The following PTPRD variants were observed in gnomAD, a reference collection of about 807,000 sequenced individuals.
PTPRD encodes receptor-type tyrosine-protein phosphatase delta.
In PTPRD, 34 loss-of-function variants were observed where a neutral mutation model predicts 214.5. The observed-to-expected ratio is 0.16, with a 90% confidence interval of 0.12 to 0.21. PTPRD has a LOEUF of 0.21. PTPRD is among the 10% of genes least tolerant of loss of function. The probability of loss-of-function intolerance (pLI) is 1.00; values close to 1 mark genes in which losing one functional copy is unlikely to be tolerated. For synonymous variants in PTPRD, 1,128 were observed against 845.7 expected, an observed-to-expected ratio of 1.33 and a Z score of -5.79; for missense variants, 2,545 against 2,398.7, an observed-to-expected ratio of 1.06 and a Z score of -1.27.
chr9:9,856,378 T>C (rs1047017185), intron 5 of PTPRD, among the ~76,000 whole-genome samples: 1 of 152,116 alleles, frequency 6.6e-6, no homozygotes, highest in Non-Finnish European at 1.5e-5. Flanking sequence ...GTTTTTGGCT[T>C]GAGGGTAGGG....
intron 3 of PTPRD, among the ~76,000 whole-genome samples, chr9:10,251,503 C>T (rs1194387485): frequency 2.6e-5 from 4 of 151,820 alleles, no homozygotes; most frequent in Non-Finnish European, 5.9e-5. Context: ...CAACAAGTTG[C>T]TTAGCTCTGT....
At chr9:9,517,478 A>G (rs1412020520) in intron 8 of PTPRD, among the ~76,000 whole-genome samples, 1 of 152,076 alleles carries the variant, frequency 6.6e-6, no homozygotes, top group Admixed American at 6.6e-5. Flanking sequence ...CCTATAACAC[A>G]ACTGTTCACT....
intron 4 of PTPRD, among the ~76,000 whole-genome samples, chr9:9,972,047 A>G (rs2095131704): frequency 1.3e-5 from 2 of 152,164 alleles, no homozygotes; most frequent in African/African-American, 4.8e-5. Context: ...AATGAATTGC[A>G]CTTTTCCCAG....
intron 12 of PTPRD, among the ~76,000 whole-genome samples, chr9:8,697,483 T>G (rs1597290770): frequency 7.0e-6 from 1 of 143,766 alleles, no homozygotes; most frequent in Middle Eastern, 3.5e-3. Context: ...AGTGCAGTGG[T>G]GTGATCTTGG....
At chr9:8,800,509 G>C (rs954660800) in intron 11 of PTPRD, among the ~76,000 whole-genome samples, 2 of 152,118 alleles carry the variant, frequency 1.3e-5, no homozygotes, top group African/African-American at 4.8e-5. Flanking sequence ...GGCCACAAGA[G>C]TGACTTCTGG....
chr9:9,391,975 T>G (rs1344910545), intron 9 of PTPRD, among the ~76,000 whole-genome samples: 3 of 152,172 alleles, frequency 2.0e-5, no homozygotes. Context: ...CTGTAAATGA[T>G]GAGAGTAGGG....
At chr9:9,908,261 G>A (rs1214698023) in intron 5 of PTPRD, among the ~76,000 whole-genome samples, 1 of 152,004 alleles carries the variant, frequency 6.6e-6, no homozygotes, top group African/African-American at 2.4e-5. Flanking sequence ...TATGCTGGCA[G>A]TGATTGCTGT....
intron 5 of PTPRD, among the ~76,000 whole-genome samples, chr9:9,769,254 C>A (rs951995462): frequency 8.7e-5 from 13 of 148,970 alleles, no homozygotes; most frequent in African/African-American, 3.2e-4. Flanking sequence ...CTTTTATACA[C>A]TGGTGGTGTC....
intron 12 of PTPRD, among the ~76,000 whole-genome samples, chr9:8,642,597 G>T (rs949338306): frequency 6.6e-6 from 1 of 152,152 alleles, no homozygotes; most frequent in Non-Finnish European, 1.5e-5. Flanking sequence ...GAGCTCTGAA[G>T]GAGAGCTCAG....
At position 9,788,085 on chromosome 9, in the gene PTPRD, G is replaced by A. The variant is rs189261461; in HGVS notation, c.-367-21234C>T. On this transcript the variant is annotated intron_variant, in intron 5 of 45. Coordinates refer to ENST00000381196, the MANE Select transcript of PTPRD (RefSeq NM_002839.4). The stretch of plus-strand genomic sequence containing the variant: ...AGGCGTGAGCCATCGCGCCCAGCCT[G>A]TATACCACTTTTACAATCAGTAGAC... Among the ~76,000 whole-genome samples, 7 of 151,564 alleles carry A rather than the reference G, an allele frequency of 4.6e-5. 1 individual carries two copies. Among genetic ancestry groups the A allele is most frequent in the African/African-American group, 1.7e-4 (7 of 41,360 alleles).
chr9:8,477,720 C>T (rs886187352), intron 30 of PTPRD, among the ~76,000 whole-genome samples: 9 of 152,176 alleles, frequency 5.9e-5, no homozygotes, highest in Admixed American at 5.9e-4. Context: ...GCACATATGC[C>T]TGGTCACTCT....
chr9:8,894,002 T>C (rs560906224), intron 11 of PTPRD, among the ~76,000 whole-genome samples: 78 of 152,230 alleles, frequency 5.1e-4, no homozygotes, highest in Admixed American at 1.2e-3. Context: ...TCTCACATTG[T>C]ATTTTGTAAA....
At chr9:9,944,912 G>A (rs144678830) in intron 4 of PTPRD, among the ~76,000 whole-genome samples, 10 of 151,834 alleles carry the variant, frequency 6.6e-5, no homozygotes, top group Admixed American at 2.0e-4. Flanking sequence ...ACTGAAGGAA[G>A]TTAAAATGAG....
At chr9:9,961,240 T>C (rs1209055690) in intron 4 of PTPRD, among the ~76,000 whole-genome samples, 1 of 152,178 alleles carries the variant, frequency 6.6e-6, no homozygotes, top group Non-Finnish European at 1.5e-5. Context: ...ACTATATGTA[T>C]CTTGCACTCC....
intron 11 of PTPRD, among the ~76,000 whole-genome samples, chr9:8,832,492 G>A (rs188807016): frequency 1.0e-3 from 148 of 141,390 alleles, no homozygotes; most frequent in African/African-American, 3.7e-3. Flanking sequence ...ACAAGTAAGA[G>A]AAAAAGTCAA....
rs1477724796 is a variant in PTPRD, at chr9:10,612,459, A to T, written c.-661T>A. ...GGAGTCTTCTCTTTTCTTTCCTACC[A>T]GTCAAATAAAGAATTGTCTTTCTAT... On this transcript the variant is annotated 5_prime_UTR_variant, in exon 2 of 46. Transcript: ENST00000381196. 1 of 152,238 alleles carries T rather than the reference A, an allele frequency of 6.6e-6. No homozygotes were observed. The allele number at this position is 152,238 out of a possible 1,614,324, so 9.4% of individuals were successfully genotyped here.
chr9:9,432,537 G>T (rs1001588695), intron 8 of PTPRD, among the ~76,000 whole-genome samples: 1 of 152,150 alleles, frequency 6.6e-6, no homozygotes, highest in African/African-American at 2.4e-5. Flanking sequence ...ATTTACTGAA[G>T]AGTTTTTTAA....
At chr9:9,550,154 G>T (rs2079837784) in intron 8 of PTPRD, among the ~76,000 whole-genome samples, 2 of 151,930 alleles carry the variant, frequency 1.3e-5, no homozygotes, top group Admixed American at 1.3e-4. Context: ...TAAGAGAAAA[G>T]ACTTAGGTTT....
At chr9:8,935,121 GA>G (rs1262054688) in intron 11 of PTPRD, among the ~76,000 whole-genome samples, 1 of 152,006 alleles carries the variant, frequency 6.6e-6, no homozygotes, top group Non-Finnish European at 1.5e-5. Flanking sequence ...ATGCTGCAGT[GA>G]ACATAGGTAC....
Sources: allele counts gnomAD v4.1 joint callset (sites outside exome capture counted in the v4.1 genomes callset), GRCh38; gene constraint gnomAD v4.1.1; transcripts MANE v1.5; gene names NCBI Gene and HGNC (gene_info 2026-07-23, HGNC 2026-07-21).